Variants in TENM2 observed in about 807,000 individuals in gnomAD.
TENM2 encodes teneurin-2.
A neutral mutation model predicts 245.2 loss-of-function variants in TENM2; 52 were observed. The observed-to-expected ratio is 0.21, with a 90% CI of 0.17 to 0.27. The LOEUF (loss-of-function observed/expected upper bound fraction) is 0.27. Among genes scored for constraint, TENM2 ranks in the 10% least tolerant of loss-of-function variants. The pLI is 1.00. For synonymous variants in TENM2, 1,363 were observed against 1,438.9 expected, an observed-to-expected ratio of 0.95 and a Z score of 1.19; for missense variants, 3,046 against 3,666.8, an observed-to-expected ratio of 0.83 and a Z score of 4.37.
intron 2 of TENM2, among the ~76,000 whole-genome samples, chr5:167,838,414 T>C (rs1289898589): frequency 2.0e-5 from 3 of 152,210 alleles, no homozygotes; most frequent in Admixed American, 2.0e-4. Flanking sequence ...TGGCCATGTT[T>C]CTTCATAACT....
chr5:167,663,984 GTTA>G (rs1457431130), intron 2 of TENM2, among the ~76,000 whole-genome samples: 1 of 152,080 alleles, frequency 6.6e-6, no homozygotes, highest in Non-Finnish European at 1.5e-5. Context: ...ACTATCTAAT[GTTA>G]TTTTCTGTTG....
At chr5:167,715,489 A>AT (rs1561699924) in intron 2 of TENM2, among the ~76,000 whole-genome samples, 1 of 152,208 alleles carries the variant, frequency 6.6e-6, no homozygotes, top group East Asian at 1.9e-4. Flanking sequence ...TGGAATTAAA[A>AT]TATCATTTTC....
intron 2 of TENM2, among the ~76,000 whole-genome samples, chr5:167,533,504 G>C (rs548773443): frequency 1.3e-4 from 20 of 152,192 alleles, no homozygotes; most frequent in African/African-American, 4.1e-4. Flanking sequence ...AGCACATGGA[G>C]CGCCATGGTG....
At chr5:167,240,152 C>T in the TENM2 span, among the ~76,000 whole-genome samples, 1 of 152,118 alleles carries the variant, frequency 6.6e-6, no homozygotes. Context: ...TTTTCTGATA[C>T]TGGGGCTCCC....
intron 5 of TENM2, among the ~76,000 whole-genome samples, chr5:168,044,744 G>A (rs546440603): frequency 3.9e-5 from 6 of 152,042 alleles, no homozygotes; most frequent in African/African-American, 1.4e-4. Context: ...TTGAGAGACT[G>A]ATTTCTCAGC....
chr5:167,271,206 G>A, the TENM2 span, among the ~76,000 whole-genome samples: 1 of 152,114 alleles, frequency 6.6e-6, no homozygotes, highest in Non-Finnish European at 1.5e-5. Context: ...TGGTGAGGAG[G>A]AGTGGGGAGG....
chr5:167,428,235 T>C lies in TENM2; in HGVS notation c.502+52762T>C, dbSNP rs116668101. ...AAAATTAATTACTATTATGGCTACA[T>C]TGAAATGATTAGTAGGAAATGAATC... On this transcript the variant is annotated intron_variant, in intron 2 of 28. Transcript: ENST00000518659. 5.3e-3 allele frequency among the ~76,000 whole-genome samples: 811 copies of C among 152,298 alleles called. 4 individuals carry two copies. Among genetic ancestry groups the C allele is most frequent in the African/African-American group, 0.019 (774 of 41,568 alleles).
chr5:167,748,818 G>A lies in TENM2; in HGVS notation c.503-127168G>A, dbSNP rs546945484. Reference sequence around the variant, plus strand: ...CTCACTATCATGAGAACAGCGCGGCGGAAACCACCCCCAGGATTCAATCAC... The same window carrying A: ...CTCACTATCATGAGAACAGCGCGGCAGAAACCACCCCCAGGATTCAATCAC... On this transcript the variant is annotated intron_variant, in intron 2 of 28. Coordinates refer to ENST00000518659, the Ensembl canonical transcript of TENM2. Among the ~76,000 whole-genome samples the A allele has an allele frequency of 3.7e-4, 56 of 152,034 alleles. 1 individual carries two copies. The highest frequency in any genetic ancestry group is 8.2e-4 in the African/African-American group (34 of 41,464).
intron 7 of TENM2, among the ~76,000 whole-genome samples, chr5:168,069,282 C>T (rs760775712): frequency 8.5e-5 from 13 of 152,106 alleles, no homozygotes; most frequent in Non-Finnish European, 1.6e-4. Context: ...TCCTGATAAA[C>T]GACAGTTACA....
chr5:167,672,259 TTGTG>T (rs1288069962), intron 2 of TENM2, among the ~76,000 whole-genome samples: 1 of 152,062 alleles, frequency 6.6e-6, no homozygotes, highest in African/African-American at 2.4e-5. Context: ...TCATTTGTGT[TTGTG>T]TGTATATGTA....
At chr5:167,701,629 G>A (rs1758151557) in intron 2 of TENM2, among the ~76,000 whole-genome samples, 1 of 152,080 alleles carries the variant, frequency 6.6e-6, no homozygotes, top group South Asian at 2.1e-4. Context: ...AAATAGGAAG[G>A]ATAATAAGCC....
the TENM2 span, among the ~76,000 whole-genome samples, chr5:167,217,713 GATATATAT>G: frequency 7.1e-6 from 1 of 141,194 alleles, no homozygotes; most frequent in South Asian, 2.3e-4. Context: ...TGTAATGAGT[GATATATAT>G]ATATATATAT....
intron 8 of TENM2, among the ~76,000 whole-genome samples, chr5:168,091,265 ATCAGAGAAATT>A (rs1299519370): frequency 6.6e-6 from 1 of 152,242 alleles, no homozygotes; most frequent in African/African-American, 2.4e-5. Flanking sequence ...AAAACTTTAA[ATCAGAGAAATT>A]ATATAGACAT....
the TENM2 span, among the ~76,000 whole-genome samples, chr5:167,012,505 T>A: frequency 9.2e-5 from 14 of 151,972 alleles, no homozygotes; most frequent in African/African-American, 3.4e-4. Context: ...GCCGGGAAAG[T>A]GGTTTATTAG....
chr5:167,837,101 GAT>G (rs1386148154), intron 2 of TENM2, among the ~76,000 whole-genome samples: 3 of 149,288 alleles, frequency 2.0e-5, no homozygotes, highest in African/African-American at 7.4e-5. Context: ...CACACACAGA[GAT>G]ATATCTGGAT....
At chr5:167,197,028 T>G in the TENM2 span, among the ~76,000 whole-genome samples, 1 of 151,936 alleles carries the variant, frequency 6.6e-6, no homozygotes, top group Admixed American at 6.6e-5. Context: ...TCTGGGATCT[T>G]GAATGCCAAG....
chr5:167,473,808 G>A (rs954876068), intron 2 of TENM2, among the ~76,000 whole-genome samples: 2 of 152,018 alleles, frequency 1.3e-5, no homozygotes, highest in Non-Finnish European at 2.9e-5. Flanking sequence ...CCTATCTTAT[G>A]GATTGATGTG....
At chr5:168,114,294 T>G (rs927688045) in intron 9 of TENM2, among the ~76,000 whole-genome samples, 1 of 152,206 alleles carries the variant, frequency 6.6e-6, no homozygotes, top group South Asian at 2.1e-4. Context: ...ACAGGTTTGG[T>G]TTCGAATCCA....
chr5:167,526,993 A>G (rs1771165714), intron 2 of TENM2, among the ~76,000 whole-genome samples: 2 of 152,108 alleles, frequency 1.3e-5, no homozygotes, highest in Non-Finnish European at 2.9e-5. Context: ...TTCAAATTCA[A>G]TCAATCCCTG....
Sources: allele counts gnomAD v4.1 joint callset (sites outside exome capture counted in the v4.1 genomes callset), GRCh38; gene constraint gnomAD v4.1.1; transcripts MANE v1.5; gene names NCBI Gene and HGNC (gene_info 2026-07-23, HGNC 2026-07-21).